EVC2: variants seen among roughly 807,000 people sequenced by gnomAD.
EVC2 encodes EvC ciliary complex subunit 2.
EVC2 carries 148 observed loss-of-function variants against 149.3 expected under a neutral mutation model. The observed-to-expected ratio is 0.99, with a 90% CI of 0.87 to 1.14. The LOEUF (loss-of-function observed/expected upper bound fraction) is 1.14, where lower values mean the gene tolerates loss of function less well. EVC2 is among the 50% of genes most tolerant of loss of function. EVC2 has a pLI of 0.00. For missense variants in EVC2, 1,854 were observed against 1,627.3 expected (o/e 1.14, Z -2.40); for synonymous variants, 776 against 649.9 (o/e 1.19, Z -2.95).
chr4:5,600,909 G>A (rs1431865274), intron 16 of EVC2, among the ~76,000 whole-genome samples: 1 of 152,184 alleles, frequency 6.6e-6, no homozygotes, highest in African/African-American at 2.4e-5. Flanking sequence ...ATTTAGGGAA[G>A]GAAACTCAGG....
intron 6 of EVC2, among the ~76,000 whole-genome samples, chr4:5,684,665 A>T (rs1309753348): frequency 1.3e-5 from 2 of 152,204 alleles, no homozygotes; most frequent in Non-Finnish European, 2.9e-5. Context: ...AGAGATGGGG[A>T]GACTCACAGT....
At chr4:5,709,434 C>G (rs1722449049), upstream of EVC2, 1 of 152,262 alleles carries the variant, frequency 6.6e-6, no homozygotes, top group Admixed American at 6.5e-5. Flanking sequence ...AGTCTCAGGC[C>G]AGCGAGCCTG....
the EVC2 span, among the ~76,000 whole-genome samples, chr4:5,537,062 A>G: frequency 6.6e-6 from 1 of 152,178 alleles, no homozygotes; most frequent in African/African-American, 2.4e-5. Flanking sequence ...AAGGTGCAAA[A>G]CAATAGTTTT....
At chr4:5,653,794 T>C (rs114933836) in intron 9 of EVC2, among the ~76,000 whole-genome samples, 3,217 of 152,296 alleles carry the variant, frequency 0.021, 113 homozygotes, top group African/African-American at 0.073. Flanking sequence ...TTCTAAAAAA[T>C]AATCTATTAC....
rs201194911 is a variant in EVC2 at position 5,706,425 on chromosome 4, G to C, written c.228+1861C>G. ...AGATAGATAGATACATAGATAGATA[G>C]ATACATAGATAGATAGATAGATACA... On this transcript the variant is annotated intron_variant, in intron 1 of 21. Transcript: ENST00000344408. Among the ~76,000 whole-genome samples the C allele has an allele frequency of 1.1e-3, 93 of 84,048 alleles. 3 individuals are homozygous for C. The highest frequency in any genetic ancestry group is 3.6e-3 in the African/African-American group (69 of 19,200). 55.1% of individuals were successfully genotyped at this position (84,048 alleles called of 152,430 possible). A position where few individuals can be genotyped will look rare whatever the true frequency, so the allele number is the denominator to read the frequency against.
At chr4:5,615,695 T>A (rs1033016265) in intron 15 of EVC2, 151 bp from the exon 16 acceptor site, 1 of 1,158,414 alleles carries the variant, frequency 8.6e-7, no homozygotes, top group African/African-American at 1.5e-5. Flanking sequence ...GAGAGAGGTA[T>A]GTTCTTCTGG....
rs116218656 is a variant in EVC2 at position 5,568,434 on chromosome 4, C to T, written c.3557+10G>A. ...CGTGCCCCGGGAGGCAGCCCCTCCACGGCACTCACCTCCGCCTGCCCACGT... is the reference window on the plus strand; with the variant it reads ...CGTGCCCCGGGAGGCAGCCCCTCCATGGCACTCACCTCCGCCTGCCCACGT... On this transcript the variant is annotated intron_variant, in intron 20 of 21. Transcript: ENST00000344408. The T allele has an allele frequency of 0.028, 43,369 of 1,546,346 alleles. 737 individuals carry two copies. Among genetic ancestry groups the T allele is most frequent in the Non-Finnish European group, 0.034 (39,148 of 1,152,400 alleles).
chr4:5,705,516 C>T (rs1243940334), intron 1 of EVC2, among the ~76,000 whole-genome samples: 1 of 151,348 alleles, frequency 6.6e-6, no homozygotes, highest in African/African-American at 2.4e-5. Flanking sequence ...AATAACAATG[C>T]CATTGCATAT....
chr4:5,681,505 G>A (rs954951963), intron 6 of EVC2, among the ~76,000 whole-genome samples, 192 bp from the exon 7 acceptor site: 1 of 152,134 alleles, frequency 6.6e-6, no homozygotes, highest in Non-Finnish European at 1.5e-5. Flanking sequence ...CCTCTCTACT[G>A]GAGGCCGTGT....
chr4:5,656,472 G>A (rs1236597105), intron 9 of EVC2, among the ~76,000 whole-genome samples: 3 of 152,168 alleles, frequency 2.0e-5, no homozygotes, highest in Non-Finnish European at 4.4e-5. Context: ...AAGGGCCTTT[G>A]CAGATATAAT....
intron 9 of EVC2, among the ~76,000 whole-genome samples, chr4:5,649,890 G>C (rs1347989163): frequency 1.3e-5 from 2 of 152,118 alleles, no homozygotes; most frequent in African/African-American, 4.8e-5. Flanking sequence ...ATGGAAATTT[G>C]GGGAGAAAAA....
intron 9 of EVC2, among the ~76,000 whole-genome samples, chr4:5,662,376 C>T (rs1264562617): frequency 6.6e-6 from 1 of 150,658 alleles, no homozygotes; most frequent in Non-Finnish European, 1.5e-5. Context: ...AACCTACACG[C>T]ATATCCCTAA....
chr4:5,568,532 C>A lies in EVC2; in HGVS notation c.3469G>T (p.Ala1157Ser). Residue 1157 changes from alanine (A) to serine (S), a missense_variant, in exon 20 of 22, where the codon GCC (alanine) becomes TCC (serine). Ala to Ser is a moderately conservative substitution (Grantham distance 99). Coordinates refer to ENST00000344408, the MANE Select transcript of EVC2 (RefSeq NM_147127.5). ...CTCTCGGTGGCCGAATCCAGCAGGG[C>A]CAGCAGCTGAGGCTGTGAGGCTGTG... ...LPTASQPQLL[A>S]LLDSATERHV... 6.3e-7 allele frequency: 1 copy of A among 1,593,698 alleles called. No homozygotes were observed.
chr4:5,669,857 G>A lies in EVC2; in HGVS notation c.871-4208C>T, dbSNP rs539479747. 2.0e-5 allele frequency among the ~76,000 whole-genome samples: 3 copies of A among 152,326 alleles called. No individual in the cohort carries two copies. The East Asian group carries it at 5.8e-4, about 29-fold the overall frequency. On this transcript the variant is annotated intron_variant, in intron 7 of 21. Coordinates refer to ENST00000344408, the MANE Select transcript of EVC2 (RefSeq NM_147127.5). ...AAAGTAGCAACACAGTTGTGGGAAT[G>A]GAAGCCTGGACCTAGGAAGAGGGAA...
intron 12 of EVC2, among the ~76,000 whole-genome samples, chr4:5,627,917 A>G (rs1716234567): frequency 6.6e-6 from 1 of 152,108 alleles, no homozygotes; most frequent in African/African-American, 2.4e-5. Context: ...ATGTTGTTGG[A>G]ATTCTGCTTG....
chr4:5,595,403 G>A (rs556645821), intron 16 of EVC2, among the ~76,000 whole-genome samples: 1 of 152,138 alleles, frequency 6.6e-6, no homozygotes, highest in African/African-American at 2.4e-5. Flanking sequence ...AAGAGAGTGG[G>A]GGCCAATATT....
At chr4:5,672,200 T>A (rs1017008629) in intron 7 of EVC2, among the ~76,000 whole-genome samples, 1 of 151,950 alleles carries the variant, frequency 6.6e-6, no homozygotes. Flanking sequence ...CAAGAGGTGA[T>A]CCAGTGGGCA....
At chr4:5,645,436 A>G (rs1157185418) in intron 9 of EVC2, among the ~76,000 whole-genome samples, 1 of 150,958 alleles carries the variant, frequency 6.6e-6, no homozygotes, top group Non-Finnish European at 1.5e-5. Flanking sequence ...GATAGGCCCT[A>G]ATGTCTGTTG....
At chr4:5,709,462 TCCCC>T, upstream of EVC2, 1 of 152,280 alleles carries the variant, frequency 6.6e-6, no homozygotes, top group African/African-American at 2.4e-5. Context: ...GCAGCCTCTC[TCCCC>T]ATAACCCAGA....
Sources: gnomAD v4.1 joint callset for allele counts (sites outside exome capture counted in the v4.1 genomes callset) on GRCh38, gnomAD v4.1.1 for gene constraint, MANE v1.5 for transcripts, NCBI Gene and HGNC (gene_info 2026-07-23, HGNC 2026-07-21) for gene names.